Variants in RALGPS2 observed in about 807,000 individuals in gnomAD.
RALGPS2 encodes Ral GEF with PH domain and SH3 binding motif 2.
Under a neutral mutation model 86.8 loss-of-function variants are expected in RALGPS2, and 43 were observed. The observed-to-expected ratio is 0.50, with a 90% CI of 0.39 to 0.64. The LOEUF (loss-of-function observed/expected upper bound fraction) is 0.64, where lower values mean the gene tolerates loss of function less well. Among genes scored for constraint, RALGPS2 ranks in the 30% least tolerant of loss-of-function variants. The pLI, the probability that RALGPS2 is intolerant of heterozygous loss-of-function variation, is 0.00. For missense variants in RALGPS2, 536 were observed against 694.6 expected, an observed-to-expected ratio of 0.77 and a Z score of 2.57; for synonymous variants, 243 against 231.3, an observed-to-expected ratio of 1.05 and a Z score of -0.46.
chr1:178,764,879 A>T (rs558407490), intron 1 of RALGPS2, among the ~76,000 whole-genome samples: 10 of 152,124 alleles, frequency 6.6e-5, no homozygotes, highest in Non-Finnish European at 1.5e-4. Context: ...TGATTGGATC[A>T]TGGGGGTGGT....
chr1:178,906,353 C>T (rs910201741), intron 18 of RALGPS2, among the ~76,000 whole-genome samples: 6 of 150,656 alleles, frequency 4.0e-5, no homozygotes, highest in East Asian at 1.9e-4. Context: ...CCAGCCTGGG[C>T]GACAGAGCGA....
At chr1:178,867,430 A>G (rs927971172) in intron 8 of RALGPS2, among the ~76,000 whole-genome samples, 4 of 152,098 alleles carry the variant, frequency 2.6e-5, no homozygotes, top group Non-Finnish European at 4.4e-5. Context: ...ACACATGTTA[A>G]CTATTTGCAT....
intron 18 of RALGPS2, among the ~76,000 whole-genome samples, chr1:178,902,461 A>G (rs1660218813): frequency 6.6e-6 from 1 of 152,100 alleles, no homozygotes; most frequent in Non-Finnish European, 1.5e-5. Flanking sequence ...TCTTTGCTCC[A>G]TGGGCATATA....
At chr1:178,768,083 A>G (rs1652604058) in intron 1 of RALGPS2, among the ~76,000 whole-genome samples, 1 of 152,070 alleles carries the variant, frequency 6.6e-6, no homozygotes, top group South Asian at 2.1e-4. Context: ...TTTGTTTCCT[A>G]GATTGCCTTA....
chr1:178,892,294 A>G lies in RALGPS2; in HGVS notation c.1312A>G (p.Met438Val), dbSNP rs764684407. ...RVARNGYRSH[M>V]KASSSAESED... is the part of the protein sequence containing the mutation. The stretch of plus-strand genomic sequence containing the variant: ...GGCACGAAATGGCTATCGAAGTCAC[A>G]TGAAGGCCAGCAGGTACAATTCCCC... Residue 438 changes from methionine (M) to valine (V), a missense_variant, in exon 15 of 20, where the codon ATG (methionine) becomes GTG (valine). Physicochemically the swap from Met to Val is conservative, Grantham distance 21. This residue lies in a region of RALGPS2 where 309 missense variants were observed against 363.0 expected (regional missense o/e 0.85). Transcript: ENST00000367635. 11 of 1,612,472 alleles carry G rather than the reference A, an allele frequency of 6.8e-6. No individual in the cohort carries two copies. Among genetic ancestry groups the G allele is most frequent in the Non-Finnish European group, 1.7e-6 (2 of 1,178,996 alleles).
intron 8 of RALGPS2, among the ~76,000 whole-genome samples, chr1:178,859,351 A>G (rs1657800427): frequency 6.6e-6 from 1 of 151,800 alleles, no homozygotes. Flanking sequence ...AAATAAGCCT[A>G]CCACTAAAAA....
At position 178,798,880 on chromosome 1, in the gene RALGPS2, C is replaced by T. The variant is rs151073252; in HGVS notation, c.214-9165C>T. On this transcript the variant is annotated intron_variant, in intron 4 of 19. Transcript: ENST00000367635. Reference sequence around the variant, plus strand: ...GTATCTAAAGCTGGAGAATTTAATGCCAGCAAAGGATGGTTTGATAATTTT... The same window carrying T: ...GTATCTAAAGCTGGAGAATTTAATGTCAGCAAAGGATGGTTTGATAATTTT... Among the ~76,000 whole-genome samples, 1,408 of 152,168 alleles carry T rather than the reference C, an allele frequency of 9.3e-3. 29 individuals carry two copies. Among genetic ancestry groups the T allele is most frequent in the African/African-American group, 0.032 (1,345 of 41,516 alleles).
chr1:178,734,781 GGA>G (rs1206052872), intron 1 of RALGPS2, among the ~76,000 whole-genome samples: 2 of 151,842 alleles, frequency 1.3e-5, no homozygotes, highest in Non-Finnish European at 2.9e-5. Context: ...ATAGGGAGAG[GGA>G]GAGAAAAAAG....
intron 1 of RALGPS2, among the ~76,000 whole-genome samples, chr1:178,756,401 T>G (rs1651959850): frequency 6.6e-6 from 1 of 152,170 alleles, no homozygotes; most frequent in South Asian, 2.1e-4. Context: ...CCAGCACTAT[T>G]TATTTAATAG....
chr1:178,899,372 A>G (rs1660068341), intron 17 of RALGPS2, among the ~76,000 whole-genome samples: 1 of 151,870 alleles, frequency 6.6e-6, no homozygotes, highest in Non-Finnish European at 1.5e-5. Context: ...TAATTAAATT[A>G]AAATATAATT....
At chr1:178,762,545 G>A (rs181709352) in intron 1 of RALGPS2, among the ~76,000 whole-genome samples, 34 of 152,176 alleles carry the variant, frequency 2.2e-4, no homozygotes, top group South Asian at 8.3e-4. Context: ...AATAATAGCC[G>A]TTCTGACTGG....
At chr1:178,896,063 G>T (rs1659926590) in intron 16 of RALGPS2, among the ~76,000 whole-genome samples, 1 of 151,990 alleles carries the variant, frequency 6.6e-6, no homozygotes, top group African/African-American at 2.4e-5. Context: ...GAAAACTAAG[G>T]AACTGTTATC....
At chr1:178,870,121 G>T (rs1231895290) in intron 8 of RALGPS2, among the ~76,000 whole-genome samples, 2 of 152,110 alleles carry the variant, frequency 1.3e-5, no homozygotes, top group Non-Finnish European at 1.5e-5. Context: ...ACTATTACAT[G>T]TAAGCCTGGA....
At chr1:178,807,278 C>G (rs1179892185) in intron 4 of RALGPS2, among the ~76,000 whole-genome samples, 2 of 152,026 alleles carry the variant, frequency 1.3e-5, no homozygotes, top group Non-Finnish European at 2.9e-5. Flanking sequence ...AAAGCTGCAG[C>G]GAACTATGAC....
intron 2 of RALGPS2, among the ~76,000 whole-genome samples, chr1:178,780,342 T>C (rs1441157504): frequency 2.0e-5 from 3 of 152,196 alleles, no homozygotes; most frequent in Non-Finnish European, 4.4e-5. Flanking sequence ...CCATGTTAGT[T>C]TGGTCGTTTA....
chr1:178,879,049 A>C (rs551694718), intron 10 of RALGPS2, 57 bp downstream of exon 10: 7 of 1,575,032 alleles, frequency 4.4e-6, no homozygotes, highest in Non-Finnish European at 6.0e-6. Context: ...CCACCTTTCT[A>C]TCCCTATGTA....
chr1:178,824,908 G>A (rs1655681893), intron 7 of RALGPS2, among the ~76,000 whole-genome samples: 1 of 152,186 alleles, frequency 6.6e-6, no homozygotes, highest in East Asian at 1.9e-4. Flanking sequence ...AGATTTCGTG[G>A]TGGGATTCTT....
At chr1:178,856,380 A>G (rs1026464551) in intron 8 of RALGPS2, among the ~76,000 whole-genome samples, 1 of 106,836 alleles carries the variant, frequency 9.4e-6, no homozygotes, top group Non-Finnish European at 1.8e-5. Context: ...GGCAAGTGCC[A>G]CCCTGCCTGG....
chr1:178,914,266 A>G (rs1660731268), intron 19 of RALGPS2, among the ~76,000 whole-genome samples: 1 of 152,096 alleles, frequency 6.6e-6, no homozygotes, highest in South Asian at 2.1e-4. Flanking sequence ...CCTGGGCTCC[A>G]TGTAGACCTA....
Sources: allele counts gnomAD v4.1 joint callset (sites outside exome capture counted in the v4.1 genomes callset), GRCh38; gene constraint gnomAD v4.1.1; regional missense constraint gnomAD v4.1.1; transcripts MANE v1.5; gene names NCBI Gene and HGNC (gene_info 2026-07-23, HGNC 2026-07-21).